PLCB4: variants seen among roughly 807,000 people sequenced by gnomAD.
PLCB4 encodes 1-phosphatidylinositol 4,5-bisphosphate phosphodiesterase beta-4.
PLCB4 carries 77 observed loss-of-function variants against 178.8 expected under a neutral mutation model. The ratio of observed to expected loss-of-function variants is 0.43; its 90% confidence interval spans 0.36 to 0.52. The LOEUF (loss-of-function observed/expected upper bound fraction) is 0.52. PLCB4 is among the 20% of genes least tolerant of loss of function. PLCB4 has a pLI of 0.00. For synonymous variants in PLCB4, 496 were observed against 490.8 expected (o/e 1.01, Z -0.14); for missense variants, 1,024 against 1,453.4 (o/e 0.70, Z 4.80).
At chr20:9,418,879 AT>A (rs139779009) in intron 25 of PLCB4, among the ~76,000 whole-genome samples, 5,268 of 151,916 alleles carry the variant, frequency 0.035, 305 homozygotes, top group African/African-American at 0.12. Context: ...GTAGACACTT[AT>A]TTTTTTTAAA....
intron 7 of PLCB4, among the ~76,000 whole-genome samples, chr20:9,341,309 C>T (rs112617600): frequency 4.6e-5 from 7 of 152,172 alleles, no homozygotes; most frequent in African/African-American, 1.4e-4. Flanking sequence ...AGTCGAAAAT[C>T]CATGTATAAC....
chr20:9,365,849 A>G (rs1602135030), intron 9 of PLCB4, among the ~76,000 whole-genome samples: 1 of 152,224 alleles, frequency 6.6e-6, no homozygotes, highest in Non-Finnish European at 1.5e-5. Context: ...ACTGTTAGCT[A>G]AACTTAAAGA....
At chr20:9,263,821 A>G (rs1383552036) in intron 3 of PLCB4, among the ~76,000 whole-genome samples, 5 of 152,156 alleles carry the variant, frequency 3.3e-5, no homozygotes, top group African/African-American at 7.2e-5. Context: ...CTTATTGTGT[A>G]TTGGTACCAA....
chr20:9,119,381 C>T (rs2091886500), intron 2 of PLCB4, among the ~76,000 whole-genome samples: 1 of 152,122 alleles, frequency 6.6e-6, no homozygotes, highest in East Asian at 1.9e-4. Context: ...TTATCTGTCA[C>T]ATTTGGGAAA....
chr20:9,407,925 C>A lies in PLCB4; in HGVS notation c.1656C>A (p.Val552=). The A allele has an allele frequency of 6.2e-7, 1 of 1,612,226 alleles. No individual in the cohort carries two copies. Among genetic ancestry groups the A allele is most frequent in the Non-Finnish European group, 8.5e-7 (1 of 1,179,318 alleles). Residue 552 remains valine, a synonymous_variant, in exon 22 of 40, where the codon GTC becomes GTA. Transcript: ENST00000378473. ...CTTCCTTGTGCTTGTAGGGCCTGGT[C>A]ACTGTAGAAGATGAGCAGGCGTGGA... ...LEHENNKKGL[V]TVEDEQAWMA...
At chr20:9,365,911 T>G (rs974327403) in intron 9 of PLCB4, among the ~76,000 whole-genome samples, 2 of 152,154 alleles carry the variant, frequency 1.3e-5, no homozygotes, top group Admixed American at 1.3e-4. Flanking sequence ...TCTTGAGAAG[T>G]GTGATGCCTC....
chr20:9,246,140 C>T (rs1163534618), intron 3 of PLCB4, among the ~76,000 whole-genome samples: 4 of 152,076 alleles, frequency 2.6e-5, no homozygotes, highest in African/African-American at 4.8e-5. Context: ...TACTGTTAAA[C>T]ACTATTTTGA....
At chr20:9,470,212 T>C (rs1276701494) in intron 36 of PLCB4, among the ~76,000 whole-genome samples, 2 of 151,926 alleles carry the variant, frequency 1.3e-5, no homozygotes, top group African/African-American at 4.8e-5. Flanking sequence ...CTGCCTGTAA[T>C]CCCAGCTACT....
chr20:9,474,148 C>T (rs1428620678), intron 38 of PLCB4, among the ~76,000 whole-genome samples: 1 of 150,320 alleles, frequency 6.7e-6, no homozygotes, highest in Non-Finnish European at 1.5e-5. Context: ...ACCCAAGAGG[C>T]GGAGGTTGCA....
chr20:9,418,902 C>T (rs2040437650), intron 25 of PLCB4, among the ~76,000 whole-genome samples: 1 of 151,778 alleles, frequency 6.6e-6, no homozygotes, highest in Non-Finnish European at 1.5e-5. Context: ...AAGTTTATTC[C>T]TAAGTGGTTT....
At chr20:9,409,924 A>T (rs761756849) in intron 24 of PLCB4, among the ~76,000 whole-genome samples, 5 of 152,228 alleles carry the variant, frequency 3.3e-5, no homozygotes, top group Non-Finnish European at 7.3e-5. Flanking sequence ...TTCACTGTAG[A>T]TGGTCAATTC....
intron 13 of PLCB4, among the ~76,000 whole-genome samples, chr20:9,383,878 A>G (rs1387772621): frequency 6.6e-6 from 1 of 152,226 alleles, no homozygotes; most frequent in African/African-American, 2.4e-5. Context: ...AGGAGTGAGT[A>G]GCAAGAGCAG....
At chr20:9,224,208 C>T (rs534278359) in intron 3 of PLCB4, among the ~76,000 whole-genome samples, 16 of 152,246 alleles carry the variant, frequency 1.1e-4, no homozygotes, top group African/African-American at 2.6e-4. Context: ...CTCTCCATTG[C>T]CACTCCTGTA....
At chr20:9,313,376 G>A (rs2094859030) in intron 4 of PLCB4, among the ~76,000 whole-genome samples, 1 of 152,166 alleles carries the variant, frequency 6.6e-6, no homozygotes, top group South Asian at 2.1e-4. Context: ...GGGACTTGGA[G>A]AAACAGAGGA....
chr20:9,408,200 A>G (rs769564049), intron 22 of PLCB4, 142 bp downstream of exon 22: 49 of 704,058 alleles, frequency 7.0e-5, no homozygotes, highest in Non-Finnish European at 9.0e-5. Context: ...TTCACAGACC[A>G]TAGAAGCCAC....
intron 10 of PLCB4, 54 bp downstream of exon 10, chr20:9,371,349 T>TCATTA: frequency 1.1e-6 from 1 of 911,090 alleles, no homozygotes; most frequent in Non-Finnish European, 1.8e-6. Context: ...ATTTATCTTC[T>TCATTA]CATATGTAAT....
intron 2 of PLCB4, among the ~76,000 whole-genome samples, chr20:9,159,591 A>T (rs1191198097): frequency 6.6e-6 from 1 of 152,186 alleles, no homozygotes; most frequent in Non-Finnish European, 1.5e-5. Flanking sequence ...TTTGCTGATT[A>T]TCTGATCATA....
At chr20:9,247,277 G>T (rs916341861) in intron 3 of PLCB4, among the ~76,000 whole-genome samples, 4 of 152,132 alleles carry the variant, frequency 2.6e-5, no homozygotes, top group Non-Finnish European at 4.4e-5. Context: ...TAGACCGCAG[G>T]TTGAGCACCT....
intron 3 of PLCB4, among the ~76,000 whole-genome samples, chr20:9,281,331 A>G (rs6056512): frequency 0.028 from 4,320 of 152,120 alleles, 213 homozygotes; most frequent in African/African-American, 0.098. Context: ...TAGTTTAATC[A>G]CTTTAAAATG....
Sources: gnomAD v4.1 joint callset for allele counts (sites outside exome capture counted in the v4.1 genomes callset) on GRCh38, gnomAD v4.1.1 for gene constraint, MANE v1.5 for transcripts, NCBI Gene and HGNC (gene_info 2026-07-23, HGNC 2026-07-21) for gene names.